The following IGSF3 variants were observed in gnomAD, a reference collection of about 807,000 sequenced individuals.
IGSF3 encodes immunoglobulin superfamily member 3.
IGSF3 carries 23 observed loss-of-function variants against 114.4 expected under a neutral mutation model. The observed-to-expected ratio is 0.20, with a 90% CI of 0.14 to 0.28. The LOEUF (loss-of-function observed/expected upper bound fraction) is 0.28. Ranked by LOEUF, IGSF3 falls within the 10% of genes least tolerant of loss-of-function variation. The probability of loss-of-function intolerance (pLI) is 1.00; values close to 1 mark genes in which losing one functional copy is unlikely to be tolerated. For synonymous variants in IGSF3, 571 were observed against 645.2 expected (o/e 0.88, Z 1.74); for missense variants, 1,172 against 1,591.5 (o/e 0.74, Z 4.48).
Position 116,615,199 on chromosome 1 carries a change from G to A in IGSF3, c.421+881C>T, listed in dbSNP as rs1932252. Among the ~76,000 whole-genome samples the A allele has an allele frequency of 7.2e-5, 11 of 151,950 alleles. No homozygotes were observed. Among genetic ancestry groups the A allele is most frequent in the East Asian group, 1.9e-4 (1 of 5,168 alleles). On this transcript the variant is annotated intron_variant, in intron 3 of 10. Transcript: ENST00000369486. This position sits in a 1 kb window ranked among gnomAD's most constrained non-coding sequence, Gnocchi z 4.3. ...TGAGGCAGAAGAATTGCTTGAACCC[G>A]GGAGGTGGAGGTTGCAGTGAGCCAA... is the stretch of plus-strand genomic sequence containing the variant.
rs897460000 is a variant in IGSF3 at position 116,577,012 on chromosome 1, T to C, written c.*300A>G. 2 of 350,854 alleles carry C rather than the reference T, an allele frequency of 5.7e-6. No individual in the cohort carries two copies. The highest frequency in any genetic ancestry group is 4.2e-5 in the African/African-American group (2 of 47,902). The allele number at this position is 350,854 out of a possible 1,614,324, so 21.7% of individuals were successfully genotyped here. On this transcript the variant is annotated 3_prime_UTR_variant, in exon 11 of 11. Transcript: ENST00000369486. This position sits in a 1 kb window ranked among gnomAD's most constrained non-coding sequence, Gnocchi z 5.7. ...AAGCCCTGTAACATCTATCTGAGAA[T>C]ACTAGATAAATCTGTGAGTAGATGT...
intron 2 of IGSF3, among the ~76,000 whole-genome samples, chr1:116,653,712 G>A (rs1336835232): frequency 1.3e-5 from 2 of 152,086 alleles, no homozygotes; most frequent in African/African-American, 2.4e-5. Context: ...AAGAGGACTG[G>A]GCAAGAAATC....
Position 116,654,313 on chromosome 1 carries a change from C to T in IGSF3, c.43+11971G>A, listed in dbSNP as rs1334766114. On this transcript the variant is annotated intron_variant, in intron 2 of 10. Coordinates refer to ENST00000369486, the MANE Select transcript of IGSF3 (RefSeq NM_001007237.3). The surrounding 1 kb of genome is among the most constrained non-coding windows in gnomAD (Gnocchi z 4.4). ...ATTTCCACCAGGCAGAATTTACAACCGTCTGGGACCTGCAGTCTCAGAGGG... is the reference window on the plus strand; with the variant it reads ...ATTTCCACCAGGCAGAATTTACAACTGTCTGGGACCTGCAGTCTCAGAGGG... Among the ~76,000 whole-genome samples, 2 of 152,170 alleles carry T rather than the reference C, an allele frequency of 1.3e-5. No homozygotes were observed. The highest frequency in any genetic ancestry group is 2.9e-5 in the Non-Finnish European group (2 of 68,034).
Position 116,606,680 on chromosome 1 carries a change from T to G in IGSF3, c.1222+1262A>C, listed in dbSNP as rs553979466. ...CCTTCACTTGATCCTTAGAAAACAA[T>G]GAGGAATTAGTTGCAGATTTAAAAG... On this transcript the variant is annotated intron_variant, in intron 5 of 10. Transcript: ENST00000369486. 8.4e-5 allele frequency: 52 copies of G among 615,856 alleles called. 1 individual carries two copies. The East Asian group carries it at 1.4e-3, about 17-fold the overall frequency. 38.1% of individuals were successfully genotyped at this position (615,856 alleles called of 1,614,324 possible).
chr1:116,645,468 A>G (rs537772329), intron 2 of IGSF3, among the ~76,000 whole-genome samples: 22 of 152,378 alleles, frequency 1.4e-4, no homozygotes, highest in Admixed American at 3.9e-4. Flanking sequence ...AAAGAATTAC[A>G]TATTTTAAAC....
rs976993104 is a variant in IGSF3 at position 116,584,438 on chromosome 1, C to A, written c.2848+207G>T. ...TTTTATTCTATTTAAGAAATCAAAT[C>A]ACCTTAGGCCAAAGCCAGACGTGCA... is the stretch of plus-strand genomic sequence containing the variant. On this transcript the variant is annotated intron_variant, in intron 9 of 10. Coordinates refer to ENST00000369486, the MANE Select transcript of IGSF3 (RefSeq NM_001007237.3). This position sits in a 1 kb window ranked among gnomAD's most constrained non-coding sequence, Gnocchi z 5.8. 1 of 534,852 alleles carries A rather than the reference C, an allele frequency of 1.9e-6. No homozygotes were observed. Among genetic ancestry groups the A allele is most frequent in the South Asian group, 2.9e-5 (1 of 34,430 alleles). 33.1% of individuals were successfully genotyped at this position (534,852 alleles called of 1,614,324 possible).
intron 2 of IGSF3, among the ~76,000 whole-genome samples, chr1:116,637,784 C>T (rs1174858520): frequency 1.3e-5 from 2 of 152,234 alleles, no homozygotes; most frequent in Non-Finnish European, 2.9e-5. Flanking sequence ...TGCCAACCTA[C>T]ACACTTGCTG....
In IGSF3 at chr1:116,600,226, A is replaced by C. The variant is rs759424706; in HGVS notation, c.1744T>G (p.Trp582Gly). 3.7e-6 allele frequency: 6 copies of C among 1,614,190 alleles called. No individual in the cohort carries two copies. The highest frequency in any genetic ancestry group is 5.1e-6 in the Non-Finnish European group (6 of 1,180,030). ...ACCGTGCCCACCGGCTGGAACCGCC[A>C]TGTCACCGACACGGGGACCCAGGCA... ...YPAWVPVSVT[W>G]RFQPVGTVEF... is the part of the protein sequence containing the mutation. The change falls in exon 7 of 11, where the codon TGG becomes GGG. Residue 582 changes from tryptophan (W) to glycine (G), a missense_variant. By Grantham distance (184) the Trp-to-Gly change is radical. This residue lies in a region of IGSF3 where 736 missense variants were observed against 1,042.0 expected (regional missense o/e 0.71). Transcript: ENST00000369486. The surrounding 1 kb of genome is among the most constrained non-coding windows in gnomAD (Gnocchi z 5.5).
chr1:116,659,898 G>A (rs541291969), intron 2 of IGSF3, among the ~76,000 whole-genome samples: 1 of 151,470 alleles, frequency 6.6e-6, no homozygotes, highest in African/African-American at 2.4e-5. Flanking sequence ...AGGATTATCG[G>A]CATGAGCCAC....
rs1660848075 is a variant in IGSF3 at position 116,607,860 on chromosome 1, C to T, written c.1222+82G>A. 7.2e-7 allele frequency: 1 copy of T among 1,394,498 alleles called. No individual in the cohort carries two copies. The highest frequency in any genetic ancestry group is 1.0e-6 in the Non-Finnish European group (1 of 1,001,572). 86.4% of individuals were successfully genotyped at this position (1,394,498 alleles called of 1,614,324 possible). A position where few individuals can be genotyped will look rare whatever the true frequency, so the allele number is the denominator to read the frequency against. ...GGTTCCATCTGCCTCCCCTCACCTT[C>T]ACCACGCTATTCTCTCTCCCCCTAC... is the stretch of plus-strand genomic sequence containing the variant. On this transcript the variant is annotated intron_variant, in intron 5 of 10. Transcript: ENST00000369486. The surrounding 1 kb of genome is among the most constrained non-coding windows in gnomAD (Gnocchi z 6.1).
Position 116,588,837 on chromosome 1 carries a change from C to A in IGSF3, c.2297G>T (p.Ser766Ile), listed in dbSNP as rs1206311775. 8 of 1,614,224 alleles carry A rather than the reference C, an allele frequency of 5.0e-6. No individual in the cohort carries two copies. Among genetic ancestry groups the A allele is most frequent in the Non-Finnish European group, 6.8e-6 (8 of 1,180,032 alleles). Residue 766 changes from serine (S) to isoleucine (I), a missense_variant, in exon 8 of 11, where the codon AGC becomes ATC. Physicochemically the swap from Ser to Ile is moderately radical, Grantham distance 142. This residue lies in a region of IGSF3 where 736 missense variants were observed against 1,042.0 expected (regional missense o/e 0.71). Transcript: ENST00000369486. The surrounding 1 kb of genome is among the most constrained non-coding windows in gnomAD (Gnocchi z 4.9). The stretch of plus-strand genomic sequence containing the variant: ...GACCTCGGCTCTCTGGACGGTGAGG[C>A]TGAACAGGCCCCCCGACACATGCCT... The part of the protein sequence containing the change: ...FERHVSGGLF[S>I]LTVQRAEVSD...
At position 116,641,891 on chromosome 1, in the gene IGSF3, C is replaced by T. The variant is rs1363101733; in HGVS notation, c.43+24393G>A. Among the ~76,000 whole-genome samples, 3 of 151,406 alleles carry T rather than the reference C, an allele frequency of 2.0e-5. No individual in the cohort carries two copies. The East Asian group carries it at 5.8e-4, about 29-fold the overall frequency. On this transcript the variant is annotated intron_variant, in intron 2 of 10. Coordinates refer to ENST00000369486, the MANE Select transcript of IGSF3 (RefSeq NM_001007237.3). ...TGAGACTGGGTCTGATTCTGTAGCCCAGGCTGGAGTGCAGGGGTATAATAA... is the reference window on the plus strand; with the variant it reads ...TGAGACTGGGTCTGATTCTGTAGCCTAGGCTGGAGTGCAGGGGTATAATAA...
intron 2 of IGSF3, among the ~76,000 whole-genome samples, chr1:116,623,228 A>G (rs904908711): frequency 6.6e-6 from 1 of 152,184 alleles, no homozygotes; most frequent in Non-Finnish European, 1.5e-5. Flanking sequence ...GACAGCCAGC[A>G]CTTACTGAGC....
At chr1:116,611,757 AAC>A (rs1226767274) in intron 4 of IGSF3, among the ~76,000 whole-genome samples, 1 of 152,132 alleles carries the variant, frequency 6.6e-6, no homozygotes, top group Non-Finnish European at 1.5e-5. Context: ...TGGTTGCAAG[AAC>A]ACTTCCTATT....
Position 116,579,957 on chromosome 1 carries a change from A to G in IGSF3, c.2849-80T>C, listed in dbSNP as rs1659531198. 8.2e-7 allele frequency: 1 copy of G among 1,224,078 alleles called. No homozygotes were observed. The highest frequency in any genetic ancestry group is 2.5e-5 in the East Asian group (1 of 40,530). 75.8% of individuals were successfully genotyped at this position (1,224,078 alleles called of 1,614,324 possible). On this transcript the variant is annotated intron_variant, in intron 9 of 10. Coordinates refer to ENST00000369486, the MANE Select transcript of IGSF3 (RefSeq NM_001007237.3). This position sits in a 1 kb window ranked among gnomAD's most constrained non-coding sequence, Gnocchi z 6.4. ...AAATAAACTAAATGTCCATCATTAA[A>G]CACATGATAGTAACATCCATACTAT...
In IGSF3 at chr1:116,583,966, G is replaced by T. The variant is rs1385055898; in HGVS notation, c.2848+679C>A. 1.3e-5 allele frequency among the ~76,000 whole-genome samples: 2 copies of T among 152,070 alleles called. No homozygotes were observed. Among genetic ancestry groups the T allele is most frequent in the East Asian group, 3.9e-4 (2 of 5,186 alleles). Reference sequence around the variant, plus strand: ...CTTTGAAAAGCCGAGGCGGTGGTGGGGGTCACGAGGTCAGGAGATCGAGAC... The same window carrying T: ...CTTTGAAAAGCCGAGGCGGTGGTGGTGGTCACGAGGTCAGGAGATCGAGAC... On this transcript the variant is annotated intron_variant, in intron 9 of 10. Coordinates refer to ENST00000369486, the MANE Select transcript of IGSF3 (RefSeq NM_001007237.3). This position sits in a 1 kb window ranked among gnomAD's most constrained non-coding sequence, Gnocchi z 4.5.
chr1:116,634,792 AG>A lies in IGSF3; in HGVS notation c.44-18336del, dbSNP rs1312512508. On this transcript the variant is annotated intron_variant, in intron 2 of 10. Coordinates refer to ENST00000369486, the MANE Select transcript of IGSF3 (RefSeq NM_001007237.3). This position sits in a 1 kb window ranked among gnomAD's most constrained non-coding sequence, Gnocchi z 4.2. Reference sequence around the variant, plus strand: ...AGTGACACTCTGTGACCTTAAGGCTAGGTCACAAACAGGGAACGCAGCTTCT... The same window carrying A: ...AGTGACACTCTGTGACCTTAAGGCTAGTCACAAACAGGGAACGCAGCTTCT... Among the ~76,000 whole-genome samples the A allele has an allele frequency of 2.1e-4, 32 of 152,264 alleles. No homozygotes were observed. The highest frequency in any genetic ancestry group is 7.7e-4 in the African/African-American group (32 of 41,554).
intron 8 of IGSF3, among the ~76,000 whole-genome samples, chr1:116,586,320 T>C (rs1659841393): frequency 6.6e-6 from 1 of 152,230 alleles, no homozygotes; most frequent in Non-Finnish European, 1.5e-5. Flanking sequence ...AAAGAAGATA[T>C]TGACTCTGGT....
chr1:116,609,231 GT>G (rs968685505), intron 4 of IGSF3, among the ~76,000 whole-genome samples: 4 of 151,840 alleles, frequency 2.6e-5, no homozygotes, highest in African/African-American at 7.3e-5. Flanking sequence ...AGATCTAGGT[GT>G]TTTTTTAATT....
Sources: gnomAD v4.1 joint callset for allele counts (sites outside exome capture counted in the v4.1 genomes callset) on GRCh38, gnomAD v4.1.1 for gene constraint, gnomAD v4.1.1 regional missense constraint, Gnocchi (gnomAD v3.1) non-coding constraint, MANE v1.5 for transcripts, NCBI Gene and HGNC (gene_info 2026-07-23, HGNC 2026-07-21) for gene names.